SNTB2: variants seen among roughly 807,000 people sequenced by gnomAD.
The protein encoded by SNTB2 is syntrophin beta 2.
SNTB2 carries 34 observed loss-of-function variants against 46.2 expected under a neutral mutation model. The observed-to-expected ratio is 0.74, with a 90% CI of 0.56 to 0.98. The LOEUF (loss-of-function observed/expected upper bound fraction) is 0.98, where lower values mean the gene tolerates loss of function less well. Among genes scored for constraint, SNTB2 ranks in the 50% least tolerant of loss-of-function variants. SNTB2 has a pLI of 0.00. For missense variants in SNTB2, 603 were observed against 731.4 expected (o/e 0.82, Z 2.02); for synonymous variants, 290 against 312.6 (o/e 0.93, Z 0.76).
intron 1 of SNTB2, among the ~76,000 whole-genome samples, chr16:69,197,793 G>C (rs368260110): frequency 1.3e-5 from 2 of 152,114 alleles, no homozygotes; most frequent in Non-Finnish European, 1.5e-5. Flanking sequence ...TATTTACATT[G>C]TTAGCTCTGT....
At chr16:69,289,508 A>G (rs753534483) in intron 5 of SNTB2, among the ~76,000 whole-genome samples, 1 of 152,232 alleles carries the variant, frequency 6.6e-6, no homozygotes, top group Non-Finnish European at 1.5e-5. Flanking sequence ...TTCCCAACAT[A>G]TAGAATTGTT....
intron 2 of SNTB2, among the ~76,000 whole-genome samples, chr16:69,253,387 C>T (rs555028008): frequency 1.3e-5 from 2 of 152,024 alleles, no homozygotes; most frequent in East Asian, 3.9e-4. Flanking sequence ...TGGTGCCTCA[C>T]ACCTGTAATC....
intron 1 of SNTB2, among the ~76,000 whole-genome samples, chr16:69,208,839 C>CAA (rs71148972): frequency 2.1e-5 from 3 of 139,876 alleles, no homozygotes; most frequent in South Asian, 2.3e-4. Context: ...ACTAAAAATA[C>CAA]AAAAAAAAAA....
chr16:69,246,338 G>A (rs2143044169), intron 2 of SNTB2, among the ~76,000 whole-genome samples: 1 of 151,870 alleles, frequency 6.6e-6, no homozygotes, highest in African/African-American at 2.4e-5. Context: ...TTTGTCTTTG[G>A]CTCTGTTTAT....
At chr16:69,285,110 AT>A (rs1259367260) in intron 5 of SNTB2, among the ~76,000 whole-genome samples, 1 of 152,224 alleles carries the variant, frequency 6.6e-6, no homozygotes, top group Admixed American at 6.5e-5. Context: ...ATGATGCATT[AT>A]GCATTTCTCC....
At chr16:69,224,196 A>G (rs532400359) in intron 1 of SNTB2, among the ~76,000 whole-genome samples, 1 of 136,318 alleles carries the variant, frequency 7.3e-6, no homozygotes, top group South Asian at 2.3e-4. Context: ...TAAAGTTACT[A>G]TTTTTCCTTT....
intron 1 of SNTB2, chr16:69,240,816 T>C (rs780475127): frequency 6.6e-6 from 1 of 152,266 alleles, no homozygotes; most frequent in African/African-American, 2.4e-5. Context: ...TCTGCCCTAT[T>C]ATGTATCCTT....
chr16:69,249,621 C>T (rs115516127), intron 2 of SNTB2, among the ~76,000 whole-genome samples: 6 of 152,226 alleles, frequency 3.9e-5, no homozygotes, highest in African/African-American at 1.4e-4. Flanking sequence ...AATAGATTTT[C>T]AGAACCAAAT....
At chr16:69,192,537 G>A (rs80189198) in intron 1 of SNTB2, among the ~76,000 whole-genome samples, 3,498 of 152,236 alleles carry the variant, frequency 0.023, 136 homozygotes, top group African/African-American at 0.08. Flanking sequence ...ACAGTATACT[G>A]TATCTGGTCA....
chr16:69,292,437 A>AT lies in SNTB2; in HGVS notation c.1346-7152dup, dbSNP rs1279951300. Among the ~76,000 whole-genome samples the AT allele has an allele frequency of 7.7e-5, 3 of 38,774 alleles. 1 individual carries two copies. The highest frequency in any genetic ancestry group is 2.2e-4 in the African/African-American group (2 of 9,170). The allele number at this position is 38,774 out of a possible 152,430, so 25.4% of individuals were successfully genotyped here. ...TATATATTATATATATATATATATTATATATATATAATTTTTTTTTTGAGA... is the reference window on the plus strand; with the variant it reads ...TATATATTATATATATATATATATTATTATATATATAATTTTTTTTTTGAGA... On this transcript the variant is annotated intron_variant, in intron 5 of 6. Coordinates refer to ENST00000336278, the MANE Select transcript of SNTB2 (RefSeq NM_006750.4).
At chr16:69,290,836 G>A (rs1965153458) in intron 5 of SNTB2, among the ~76,000 whole-genome samples, 1 of 152,158 alleles carries the variant, frequency 6.6e-6, no homozygotes, top group Non-Finnish European at 1.5e-5. Flanking sequence ...AGTATGGTTA[G>A]GACTTGAACT....
At chr16:69,233,093 GA>G (rs1192924456) in intron 1 of SNTB2, among the ~76,000 whole-genome samples, 1 of 152,174 alleles carries the variant, frequency 6.6e-6, no homozygotes, top group African/African-American at 2.4e-5. Flanking sequence ...TCACATCTTA[GA>G]AATCTGGGAG....
intron 1 of SNTB2, among the ~76,000 whole-genome samples, chr16:69,238,972 A>G (rs979752281): frequency 6.6e-6 from 1 of 152,202 alleles, no homozygotes; most frequent in Non-Finnish European, 1.5e-5. Context: ...AAAAGGCCGT[A>G]CATGGTCTGC....
chr16:69,252,265 A>C (rs1964734519), intron 2 of SNTB2, among the ~76,000 whole-genome samples: 1 of 152,182 alleles, frequency 6.6e-6, no homozygotes, highest in Admixed American at 6.6e-5. Flanking sequence ...GGGAAGAGGA[A>C]TTTTACTCCC....
intron 1 of SNTB2, among the ~76,000 whole-genome samples, chr16:69,223,191 ATT>A (rs548334873): frequency 5.7e-4 from 77 of 134,942 alleles, no homozygotes; most frequent in African/African-American, 9.7e-4. Context: ...AAAACTAAGA[ATT>A]TTTTTTTTTT....
At chr16:69,297,306 CAAAAAAAAA>C (rs60543622) in intron 5 of SNTB2, among the ~76,000 whole-genome samples, 25 of 45,720 alleles carry the variant, frequency 5.5e-4, no homozygotes, top group African/African-American at 2.5e-3. Flanking sequence ...GATTCTATCT[CAAAAAAAAA>C]AAAAAAAAAA....
chr16:69,280,187 C>T (rs1389032142), intron 4 of SNTB2, among the ~76,000 whole-genome samples: 1 of 152,188 alleles, frequency 6.6e-6, no homozygotes, highest in Non-Finnish European at 1.5e-5. Context: ...GGTAAGGTCA[C>T]CGATCAACAG....
intron 1 of SNTB2, among the ~76,000 whole-genome samples, chr16:69,212,573 A>G (rs541018566): frequency 1.3e-5 from 2 of 152,174 alleles, no homozygotes; most frequent in South Asian, 4.2e-4. Flanking sequence ...TCTTGACTTC[A>G]TGATCCACCC....
intron 1 of SNTB2, among the ~76,000 whole-genome samples, chr16:69,237,398 T>A (rs1045356885): frequency 2.6e-5 from 4 of 152,128 alleles, no homozygotes; most frequent in Admixed American, 2.6e-4. Context: ...TTTAGAATGC[T>A]GTTTTAATTC....
Sources: gnomAD v4.1 joint callset for allele counts (sites outside exome capture counted in the v4.1 genomes callset) on GRCh38, gnomAD v4.1.1 for gene constraint, MANE v1.5 for transcripts, NCBI Gene and HGNC (gene_info 2026-07-23, HGNC 2026-07-21) for gene names.